Variants in SETBP1 observed in about 807,000 individuals in gnomAD.
SETBP1 encodes SET-binding protein.
In SETBP1, 9 loss-of-function variants were observed where a neutral mutation model predicts 101.0. The observed-to-expected ratio is 0.09, with a 90% CI of 0.05 to 0.16. The LOEUF (loss-of-function observed/expected upper bound fraction) is 0.16. SETBP1 is among the 10% of genes least tolerant of loss of function. SETBP1 has a pLI of 1.00. For missense variants in SETBP1, 1,858 were observed against 2,033.8 expected, an observed-to-expected ratio of 0.91 and a Z score of 1.66; for synonymous variants, 818 against 788.5, an observed-to-expected ratio of 1.04 and a Z score of -0.63.
intron 2 of SETBP1, among the ~76,000 whole-genome samples, chr18:44,765,722 C>G (rs1320415445): frequency 1.3e-5 from 2 of 152,206 alleles, no homozygotes; most frequent in African/African-American, 4.8e-5. Flanking sequence ...TTACACTCTA[C>G]TATGCCTTTC....
intron 2 of SETBP1, among the ~76,000 whole-genome samples, chr18:44,717,547 C>T (rs1036495233): frequency 6.6e-6 from 1 of 152,206 alleles, no homozygotes. Flanking sequence ...GCACATACTC[C>T]CATGTCTACT....
At chr18:44,705,294 T>C (rs1449655575) in intron 2 of SETBP1, among the ~76,000 whole-genome samples, 3 of 152,246 alleles carry the variant, frequency 2.0e-5, no homozygotes, top group Non-Finnish European at 4.4e-5. Flanking sequence ...GTTTATGTTT[T>C]GACTCTGACT....
intron 3 of SETBP1, among the ~76,000 whole-genome samples, chr18:44,909,513 T>C (rs944463955): frequency 6.6e-6 from 1 of 152,020 alleles, no homozygotes. Context: ...TAGGAGGGAG[T>C]ATCGTACCAA....
Position 44,949,946 on chromosome 18 carries a change from C to T in SETBP1, c.606C>T (p.Thr202=), listed in dbSNP as rs371436709. ...ACACGGGCCTCCCACAGGACTTCAC[C>T]GGTGACACCTTAAAACCAAAGCACC... The part of the protein sequence containing the change: ...HYDTGLPQDF[T]GDTLKPKHQQ... Residue 202 remains threonine, a synonymous_variant, in exon 4 of 6, where the codon ACC becomes ACT. Transcript: ENST00000649279. The T allele has an allele frequency of 1.1e-5, 17 of 1,613,994 alleles. No homozygotes were observed. Among genetic ancestry groups the T allele is most frequent in the Admixed American group, 6.7e-5 (4 of 60,012 alleles).
In SETBP1 at chr18:44,788,503, G is replaced by A. The variant is rs548197630; in HGVS notation, c.487-80727G>A. Among the ~76,000 whole-genome samples, 71 of 152,312 alleles carry A rather than the reference G, an allele frequency of 4.7e-4. 1 individual carries two copies. Among genetic ancestry groups the A allele is most frequent in the African/African-American group, 1.6e-3 (68 of 41,568 alleles). On this transcript the variant is annotated intron_variant, in intron 2 of 5. Transcript: ENST00000649279. Reference sequence around the variant, plus strand: ...ATTGTGTTAACTTTAGATGGCTGAGGCCATTAGCAGAGTGAAGAGAACAGG... The same window carrying A: ...ATTGTGTTAACTTTAGATGGCTGAGACCATTAGCAGAGTGAAGAGAACAGG...
At chr18:44,934,596 G>A (rs1160021990) in intron 3 of SETBP1, among the ~76,000 whole-genome samples, 2 of 152,206 alleles carry the variant, frequency 1.3e-5, no homozygotes, top group African/African-American at 4.8e-5. Context: ...GGAAACTCTA[G>A]TGTAACCCTG....
At chr18:44,856,054 T>TG (rs943686045) in intron 2 of SETBP1, among the ~76,000 whole-genome samples, 1 of 144,438 alleles carries the variant, frequency 6.9e-6, no homozygotes, top group Non-Finnish European at 1.5e-5. Context: ...TAATCCATCT[T>TG]GTTTTTTTTT....
chr18:44,915,619 G>A (rs1056796063), intron 3 of SETBP1, among the ~76,000 whole-genome samples: 14 of 152,206 alleles, frequency 9.2e-5, no homozygotes, highest in African/African-American at 3.4e-4. Flanking sequence ...ATGAGAGACG[G>A]CTGAGCAATA....
intron 3 of SETBP1, among the ~76,000 whole-genome samples, chr18:44,919,783 A>G (rs1467436199): frequency 6.7e-6 from 1 of 149,510 alleles, no homozygotes; most frequent in African/African-American, 2.6e-5. Flanking sequence ...ATACACACAT[A>G]CATATGCATA....
At position 44,950,157 on chromosome 18, in the gene SETBP1, A is replaced by T. The variant is rs774513800; in HGVS notation, c.817A>T (p.Thr273Ser). 7 of 1,613,880 alleles carry T rather than the reference A, an allele frequency of 4.3e-6. No homozygotes were observed. Among genetic ancestry groups the T allele is most frequent in the Non-Finnish European group, 5.9e-6 (7 of 1,180,046 alleles). The change falls in exon 4 of 6, where the codon ACG becomes TCG. Residue 273 changes from threonine (T) to serine (S), a missense_variant. Around this residue, in one of 12 missense-constraint regions of SETBP1, gnomAD observed 581 missense variants for 535.1 expected, o/e 1.09. Coordinates refer to ENST00000649279, the MANE Select transcript of SETBP1 (RefSeq NM_015559.3). ...AQGKKGSAGN[T>S]WSQLSNNNKD... ...GGGTAAGAAAGGCAGTGCAGGGAAC[A>T]CGTGGAGTCAGTTGTCTAACAATAA...
chr18:44,900,252 C>T (rs2070010930), intron 3 of SETBP1, among the ~76,000 whole-genome samples: 1 of 152,138 alleles, frequency 6.6e-6, no homozygotes, highest in African/African-American at 2.4e-5. Flanking sequence ...GGGTTGGGCC[C>T]CAGCAATCTG....
At chr18:44,934,097 T>C (rs914558261) in intron 3 of SETBP1, among the ~76,000 whole-genome samples, 11 of 152,124 alleles carry the variant, frequency 7.2e-5, no homozygotes, top group African/African-American at 2.7e-4. Context: ...CAACCTTGTC[T>C]TGTTTAATTC....
intron 3 of SETBP1, among the ~76,000 whole-genome samples, chr18:44,930,674 T>C (rs1227165881): frequency 6.6e-6 from 1 of 152,220 alleles, no homozygotes; most frequent in African/African-American, 2.4e-5. Flanking sequence ...GGAGGGTGTA[T>C]GTGTCCAGGA....
chr18:45,030,222 G>C (rs1162290110), intron 4 of SETBP1, among the ~76,000 whole-genome samples: 34 of 126,562 alleles, frequency 2.7e-4, no homozygotes, highest in South Asian at 2.7e-3. Context: ...TAGCATGAAG[G>C]GTTGTTGAAT....
At chr18:44,759,636 AAAAT>A (rs757228205) in intron 2 of SETBP1, among the ~76,000 whole-genome samples, 7 of 152,212 alleles carry the variant, frequency 4.6e-5, no homozygotes, top group Non-Finnish European at 1.0e-4. Flanking sequence ...AATTCAGTCT[AAAAT>A]AAAAAGATTT....
intron 2 of SETBP1, among the ~76,000 whole-genome samples, chr18:44,744,508 C>G (rs887235052): frequency 1.3e-5 from 2 of 152,244 alleles, no homozygotes; most frequent in African/African-American, 4.8e-5. Flanking sequence ...TGTACGCGCC[C>G]AAGAGCCAGT....
In SETBP1 at chr18:44,767,858, A is replaced by C. The variant is rs12605378; in HGVS notation, c.486+66026A>C. The stretch of plus-strand genomic sequence containing the variant: ...AAGCCTTTGATATACTCGTTTTCTC[A>C]GCACCCAATCTTCTGCCTCAAAGTT... On this transcript the variant is annotated intron_variant, in intron 2 of 5. Transcript: ENST00000649279. Among the ~76,000 whole-genome samples the C allele has an allele frequency of 6.2e-3, 943 of 152,326 alleles. 22 individuals carry two copies. The highest frequency in any genetic ancestry group is 0.045 in the East Asian group (232 of 5,186).
chr18:44,708,019 G>C (rs1266096585), intron 2 of SETBP1, among the ~76,000 whole-genome samples: 1 of 152,198 alleles, frequency 6.6e-6, no homozygotes, highest in African/African-American at 2.4e-5. Context: ...AATGGTTGTA[G>C]CAATTTCGTT....
At chr18:44,749,790 G>A (rs749463250) in intron 2 of SETBP1, among the ~76,000 whole-genome samples, 1 of 152,140 alleles carries the variant, frequency 6.6e-6, no homozygotes, top group Non-Finnish European at 1.5e-5. Context: ...AATACAAAAG[G>A]TAAATAAAAA....
Sources: gnomAD v4.1 joint callset for allele counts (sites outside exome capture counted in the v4.1 genomes callset) on GRCh38, gnomAD v4.1.1 for gene constraint, gnomAD v4.1.1 regional missense constraint, MANE v1.5 for transcripts, NCBI Gene and HGNC (gene_info 2026-07-23, HGNC 2026-07-21) for gene names.